Variants in CNTN5 observed in about 807,000 individuals in gnomAD.
CNTN5 encodes the protein contactin-5.
CNTN5 carries 77 observed loss-of-function variants against 129.1 expected under a neutral mutation model. That is an observed-to-expected ratio of 0.60 (90% CI 0.50 to 0.72). The LOEUF is 0.72. CNTN5 is among the 30% of genes least tolerant of loss of function. CNTN5 has a pLI of 0.00. For synonymous variants in CNTN5, 509 were observed against 465.6 expected (o/e 1.09, Z -1.20); for missense variants, 1,478 against 1,328.8 (o/e 1.11, Z -1.75).
At chr11:99,617,121 T>TAACAAA (rs67115890) in intron 3 of CNTN5, among the ~76,000 whole-genome samples, 3 of 151,880 alleles carry the variant, frequency 2.0e-5, no homozygotes, top group East Asian at 1.9e-4. Context: ...AAACAAAACG[T>TAACAAA]AACAAAAACA....
chr11:99,203,616 G>T (rs916764332), intron 1 of CNTN5, among the ~76,000 whole-genome samples: 1 of 151,828 alleles, frequency 6.6e-6, no homozygotes, highest in African/African-American at 2.4e-5. Flanking sequence ...GTGGGACAGA[G>T]TATCACTCTG....
intron 18 of CNTN5, among the ~76,000 whole-genome samples, chr11:100,293,865 G>A (rs1367360945): frequency 2.6e-5 from 4 of 151,536 alleles, no homozygotes; most frequent in Non-Finnish European, 5.9e-5. Flanking sequence ...GGGGATGGTG[G>A]GCAAGGGGAA....
chr11:99,574,947 CA>C (rs1294493516), intron 3 of CNTN5, among the ~76,000 whole-genome samples: 1 of 152,044 alleles, frequency 6.6e-6, no homozygotes, highest in African/African-American at 2.4e-5. Flanking sequence ...AAAAATGGTA[CA>C]TTTTTGGGAA....
intron 2 of CNTN5, among the ~76,000 whole-genome samples, chr11:99,357,439 T>G (rs1009683799): frequency 8.6e-5 from 13 of 151,596 alleles, no homozygotes; most frequent in African/African-American, 3.2e-4. Context: ...ATACTTGAAA[T>G]TACAGAACTC....
intron 13 of CNTN5, among the ~76,000 whole-genome samples, chr11:100,172,152 T>G (rs1424738090): frequency 6.6e-6 from 1 of 151,986 alleles, no homozygotes; most frequent in Non-Finnish European, 1.5e-5. Context: ...AAACTAATAA[T>G]ATTAAAACAA....
intron 2 of CNTN5, among the ~76,000 whole-genome samples, chr11:99,420,983 T>G (rs1371604415): frequency 6.6e-6 from 1 of 152,170 alleles, no homozygotes; most frequent in Non-Finnish European, 1.5e-5. Flanking sequence ...GGGCCCTTCT[T>G]TCAGGCATCT....
rs1372526185 is a variant in CNTN5, at chr11:100,193,701, C to A, written c.1884+38C>A. 5 of 1,564,834 alleles carry A rather than the reference C, an allele frequency of 3.2e-6. No individual in the cohort carries two copies. In the South Asian group the frequency reaches 3.6e-5, roughly 11 times the overall value. On this transcript the variant is annotated intron_variant, in intron 15 of 24. Coordinates refer to ENST00000524871, the MANE Select transcript of CNTN5 (RefSeq NM_014361.4). ...ACTTTTATTCTTTTAGTAATGATAA[C>A]TTTAGAAATTTTGAATCAAATGTAA...
chr11:100,100,942 C>T (rs145363893), intron 13 of CNTN5, among the ~76,000 whole-genome samples: 54 of 152,204 alleles, frequency 3.5e-4, no homozygotes, highest in African/African-American at 9.6e-4. Context: ...TTTCTTGCAT[C>T]AACTGATACA....
intron 9 of CNTN5, among the ~76,000 whole-genome samples, chr11:100,015,506 T>C (rs1365955290): frequency 6.6e-6 from 1 of 152,114 alleles, no homozygotes; most frequent in African/African-American, 2.4e-5. Context: ...AAGAGCAAAG[T>C]GCACACACTT....
intron 1 of CNTN5, among the ~76,000 whole-genome samples, chr11:99,240,295 T>C (rs1311600700): frequency 6.6e-6 from 1 of 152,076 alleles, no homozygotes; most frequent in Admixed American, 6.6e-5. Flanking sequence ...ATCTATTCAG[T>C]GTGTGCAAGG....
chr11:99,768,692 C>T (rs1944841444), intron 3 of CNTN5, among the ~76,000 whole-genome samples: 2 of 151,976 alleles, frequency 1.3e-5, no homozygotes, highest in African/African-American at 4.8e-5. Flanking sequence ...TACACACTTC[C>T]CATTTTATCA....
intron 21 of CNTN5, among the ~76,000 whole-genome samples, chr11:100,315,814 G>A (rs1951563112): frequency 6.6e-6 from 1 of 152,102 alleles, no homozygotes; most frequent in African/African-American, 2.4e-5. Context: ...TACCTACATG[G>A]CATTAGCTTG....
At chr11:99,669,833 A>G (rs1042392321) in intron 3 of CNTN5, among the ~76,000 whole-genome samples, 2 of 152,120 alleles carry the variant, frequency 1.3e-5, no homozygotes, top group African/African-American at 4.8e-5. Flanking sequence ...AGGGAATGAC[A>G]TTTTCTCATT....
intron 6 of CNTN5, among the ~76,000 whole-genome samples, chr11:99,853,027 A>G (rs1452922874): frequency 1.3e-5 from 2 of 152,180 alleles, no homozygotes; most frequent in East Asian, 3.9e-4. Context: ...CTTCTTGAGT[A>G]TAAAGACACC....
At chr11:100,080,657 A>C (rs1392386300) in intron 13 of CNTN5, among the ~76,000 whole-genome samples, 2 of 152,110 alleles carry the variant, frequency 1.3e-5, no homozygotes, top group Non-Finnish European at 2.9e-5. Context: ...GTTTCCACCT[A>C]CATGCTGGGT....
intron 13 of CNTN5, among the ~76,000 whole-genome samples, chr11:100,085,500 C>CT (rs933458643): frequency 1.3e-5 from 2 of 151,878 alleles, no homozygotes; most frequent in African/African-American, 4.8e-5. Flanking sequence ...GACACTATGC[C>CT]AGTTCATACC....
intron 13 of CNTN5, among the ~76,000 whole-genome samples, chr11:100,106,960 A>G (rs1229193244): frequency 6.6e-6 from 1 of 152,158 alleles, no homozygotes; most frequent in Non-Finnish European, 1.5e-5. Flanking sequence ...AAGGCAGTCA[A>G]CTTTTAAAGC....
intron 6 of CNTN5, among the ~76,000 whole-genome samples, chr11:99,877,603 C>A (rs543382008): frequency 1.5e-5 from 1 of 67,572 alleles, no homozygotes; most frequent in African/African-American, 5.4e-5. Flanking sequence ...TCTTCATAAT[C>A]TTTAGTTTAA....
intron 18 of CNTN5, among the ~76,000 whole-genome samples, chr11:100,294,496 A>C (rs940780692): frequency 2.0e-5 from 3 of 151,732 alleles, no homozygotes; most frequent in Non-Finnish European, 3.0e-5. Context: ...CTTTGCTCAG[A>C]AAGAAATTCA....
Sources: allele counts gnomAD v4.1 joint callset (sites outside exome capture counted in the v4.1 genomes callset), GRCh38; gene constraint gnomAD v4.1.1; transcripts MANE v1.5; gene names NCBI Gene and HGNC (gene_info 2026-07-23, HGNC 2026-07-21).